Variants in NEK5 observed in about 807,000 individuals in gnomAD.
The protein encoded by NEK5 is NIMA related kinase 5.
In NEK5, 88 loss-of-function variants were observed where a neutral mutation model predicts 109.2. The ratio of observed to expected loss-of-function variants is 0.81; its 90% CI spans 0.68 to 0.96. The LOEUF is 0.96. Ranked by LOEUF, NEK5 falls within the 40% of genes least tolerant of loss-of-function variation. The pLI, the probability that NEK5 is intolerant of heterozygous loss-of-function variation, is 0.00. For missense variants in NEK5, 834 were observed against 920.7 expected, an observed-to-expected ratio of 0.91 and a Z score of 1.22; for synonymous variants, 283 against 299.9, an observed-to-expected ratio of 0.94 and a Z score of 0.58.
At chr13:52,110,681 CACAT>C (rs1955741915) in intron 5 of NEK5, 104 bp from the exon 6 acceptor site, 1 of 659,420 alleles carries the variant, frequency 1.5e-6, no homozygotes, top group East Asian at 2.7e-5. Context: ...CACACACACA[CACAT>C]ACACACATAT....
intron 21 of NEK5, among the ~76,000 whole-genome samples, chr13:52,062,431 CT>C (rs35081117): frequency 5.4e-4 from 79 of 145,544 alleles, no homozygotes; most frequent in Non-Finnish European, 4.4e-4. Flanking sequence ...TTCTTTCTTT[CT>C]TTTTTTTTTT....
intron 4 of NEK5, among the ~76,000 whole-genome samples, chr13:52,116,080 C>T (rs1396687145): frequency 6.7e-6 from 1 of 149,844 alleles, no homozygotes; most frequent in Non-Finnish European, 1.5e-5. Flanking sequence ...ACTCAGGAGA[C>T]TGAGGTGGGA....
At chr13:52,055,467 C>T (rs1482948488) in intron 22 of NEK5, among the ~76,000 whole-genome samples, 5 of 152,026 alleles carry the variant, frequency 3.3e-5, no homozygotes, top group African/African-American at 9.7e-5. Context: ...AGATACTCCT[C>T]GAGAAGAGCA....
At chr13:52,079,611 G>A (rs1230058685) in intron 17 of NEK5, among the ~76,000 whole-genome samples, 1 of 152,306 alleles carries the variant, frequency 6.6e-6, no homozygotes, top group East Asian at 1.9e-4. Flanking sequence ...GCTCAATGGT[G>A]CCCAGGCTGG....
chr13:52,052,660 T>C (rs532931616), intron 22 of NEK5, among the ~76,000 whole-genome samples: 1 of 152,276 alleles, frequency 6.6e-6, no homozygotes, highest in East Asian at 1.9e-4. Context: ...TAGGCCCTGT[T>C]TTAAAATTCT....
chr13:52,050,616 T>TC (rs1488144402), intron 22 of NEK5, among the ~76,000 whole-genome samples: 1 of 151,704 alleles, frequency 6.6e-6, no homozygotes, highest in Non-Finnish European at 1.5e-5. Flanking sequence ...TTCATCTTTT[T>TC]TTTTTTTTTT....
At chr13:52,038,317 A>G (rs1260285772) in intron 23 of NEK5, among the ~76,000 whole-genome samples, 1 of 151,656 alleles carries the variant, frequency 6.6e-6, no homozygotes. Context: ...GCGAGACTCC[A>G]TCTCAAAACA....
chr13:52,119,203 G>A (rs1213625966), intron 4 of NEK5, 116 bp downstream of exon 4: 3 of 459,668 alleles, frequency 6.5e-6, no homozygotes, highest in Non-Finnish European at 1.1e-5. Flanking sequence ...AGTAAATGGG[G>A]AAATGACCCA....
At chr13:52,059,657 A>T (rs1271108378) in intron 22 of NEK5, among the ~76,000 whole-genome samples, 2 of 152,206 alleles carry the variant, frequency 1.3e-5, no homozygotes, top group African/African-American at 4.8e-5. Flanking sequence ...CTTTGTAGGG[A>T]CATGGATGAA....
intron 23 of NEK5, among the ~76,000 whole-genome samples, chr13:52,043,983 G>A (rs1009627159): frequency 6.6e-6 from 1 of 152,204 alleles, no homozygotes; most frequent in African/African-American, 2.4e-5. Flanking sequence ...GTTGCCAAAG[G>A]AGATTAACAT....
At position 52,128,248 on chromosome 13, in the gene NEK5, C is replaced by T. The variant is rs116240702; in HGVS notation, c.-90-586G>A. ...TGTAAATCAAGGCTTGATTGCACTTCGGTTTGGAGGTTTACCAAGAATTGT... is the reference window on the plus strand; with the variant it reads ...TGTAAATCAAGGCTTGATTGCACTTTGGTTTGGAGGTTTACCAAGAATTGT... On this transcript the variant is annotated intron_variant, in intron 1 of 23. Coordinates refer to ENST00000684899, the MANE Select transcript of NEK5 (RefSeq NM_001365552.1). Among the ~76,000 whole-genome samples the T allele has an allele frequency of 7.6e-3, 1,149 of 151,894 alleles. 12 individuals are homozygous for T. The highest frequency in any genetic ancestry group is 0.027 in the African/African-American group (1,104 of 41,406).
At chr13:52,080,521 G>C (rs1954983645) in intron 17 of NEK5, among the ~76,000 whole-genome samples, 2 of 152,178 alleles carry the variant, frequency 1.3e-5, no homozygotes, top group Admixed American at 1.3e-4. Context: ...GTAGACATGG[G>C]AGACTTTTCA....
chr13:52,088,248 G>GT (rs1955196078), intron 14 of NEK5, among the ~76,000 whole-genome samples: 1 of 146,350 alleles, frequency 6.8e-6, no homozygotes, highest in South Asian at 2.1e-4. Context: ...TTTTGTTGTT[G>GT]GTTTTTGTTT....
intron 11 of NEK5, among the ~76,000 whole-genome samples, 166 bp from the exon 12 acceptor site, chr13:52,100,042 G>A (rs2137991393): frequency 6.6e-6 from 1 of 151,994 alleles, no homozygotes; most frequent in Non-Finnish European, 1.5e-5. Flanking sequence ...AAATTAATAT[G>A]CAATTTCTTT....
chr13:52,059,803 G>C (rs573387700), intron 22 of NEK5, among the ~76,000 whole-genome samples: 1 of 151,242 alleles, frequency 6.6e-6, no homozygotes, highest in Non-Finnish European at 1.5e-5. Flanking sequence ...GGGGCCTGTT[G>C]TGGGGTGGGG....
At chr13:52,076,189 T>A in intron 17 of NEK5, 46 bp from the exon 18 acceptor site, 1 of 1,037,904 alleles carries the variant, frequency 9.6e-7, no homozygotes, top group Non-Finnish European at 1.5e-6. Context: ...TATGTTTACA[T>A]GAGTTGATTT....
At chr13:52,120,585 A>G (rs140318807) in intron 3 of NEK5, among the ~76,000 whole-genome samples, 10 of 152,296 alleles carry the variant, frequency 6.6e-5, no homozygotes, top group Middle Eastern at 3.4e-3. Flanking sequence ...AAAAATATTC[A>G]ATCTCATGCA....
chr13:52,108,236 T>C (rs762332298), intron 8 of NEK5, 82 bp downstream of exon 8: 1 of 800,992 alleles, frequency 1.2e-6, no homozygotes, highest in Non-Finnish European at 2.1e-6. Flanking sequence ...AGAAGAGATT[T>C]GAATTTTAGT....
At chr13:52,127,687 T>C in intron 1 of NEK5, 25 bp from the exon 2 acceptor site, 1 of 524,660 alleles carries the variant, frequency 1.9e-6, no homozygotes, top group East Asian at 3.2e-5. Flanking sequence ...AGTTTCTTGG[T>C]CAGACACGGG....
Sources: allele counts gnomAD v4.1 joint callset (sites outside exome capture counted in the v4.1 genomes callset), GRCh38; gene constraint gnomAD v4.1.1; transcripts MANE v1.5; gene names NCBI Gene and HGNC (gene_info 2026-07-23, HGNC 2026-07-21).